The following SHANK2 variants were observed in gnomAD, a reference collection of about 807,000 sequenced individuals.
SHANK2 encodes SH3 and multiple ankyrin repeat domains 2, also known as SH3 and multiple ankyrin repeat domains protein 2.
A neutral mutation model predicts 133.7 loss-of-function variants in SHANK2; 43 were observed. The ratio of observed to expected loss-of-function variants is 0.32; its 90% CI spans 0.25 to 0.41. The LOEUF (loss-of-function observed/expected upper bound fraction) is 0.41, where lower values mean the gene tolerates loss of function less well. SHANK2 is among the 10% of genes least tolerant of loss of function. SHANK2 has a pLI of 1.00. For missense variants in SHANK2, 1,994 were observed against 2,235.8 expected (o/e 0.89, Z 2.18); for synonymous variants, 1,017 against 952.8 (o/e 1.07, Z -1.24).
At chr11:70,751,729 A>T (rs1448367287) in intron 14 of SHANK2, among the ~76,000 whole-genome samples, 1 of 152,220 alleles carries the variant, frequency 6.6e-6, no homozygotes. Flanking sequence ...ACACCAAAAA[A>T]GGGAGAGAAT....
chr11:70,615,429 T>A (rs560803038), intron 17 of SHANK2, among the ~76,000 whole-genome samples: 36 of 152,116 alleles, frequency 2.4e-4, no homozygotes, highest in Non-Finnish European at 4.4e-4. Flanking sequence ...CTGAGCTCTG[T>A]CCCAGTCTTC....
At chr11:70,751,570 G>A (rs1026556830) in intron 14 of SHANK2, among the ~76,000 whole-genome samples, 3 of 152,108 alleles carry the variant, frequency 2.0e-5, no homozygotes, top group Non-Finnish European at 2.9e-5. Context: ...TGAAAGTCAG[G>A]AATAAAGAAG....
rs11601418 is a variant in SHANK2 at position 70,918,031 on chromosome 11, T to G, written c.1108-21464A>C. On this transcript the variant is annotated intron_variant, in intron 10 of 25. Coordinates refer to ENST00000601538, the MANE Select transcript of SHANK2 (RefSeq NM_012309.5). ...TGAACTTAAAAGTTTTTTTTTTTTT[T>G]TTTTTTTTTTTTTAAATAAGGCCAA... Among the ~76,000 whole-genome samples, 22 of 19,682 alleles carry G rather than the reference T, an allele frequency of 1.1e-3. 1 individual carries two copies. The highest frequency in any genetic ancestry group is 3.0e-3 in the African/African-American group (20 of 6,636). The allele number at this position is 19,682 out of a possible 152,430, so 12.9% of individuals were successfully genotyped here. A position where few individuals can be genotyped will look rare whatever the true frequency, so the allele number is the denominator to read the frequency against.
chr11:70,827,501 C>CT (rs1948660779), intron 11 of SHANK2, among the ~76,000 whole-genome samples: 1 of 152,018 alleles, frequency 6.6e-6, no homozygotes, highest in Non-Finnish European at 1.5e-5. Context: ...GGCTGGTGCC[C>CT]TGTGGCAGGT....
At chr11:71,154,313 G>C (rs1164082356) in intron 2 of SHANK2, among the ~76,000 whole-genome samples, 2 of 152,148 alleles carry the variant, frequency 1.3e-5, no homozygotes, top group East Asian at 3.9e-4. Context: ...AGGTTCCATC[G>C]GATGTTAGAA....
At chr11:71,106,648 T>A (rs1199711850) in intron 6 of SHANK2, among the ~76,000 whole-genome samples, 1 of 152,192 alleles carries the variant, frequency 6.6e-6, no homozygotes, top group Non-Finnish European at 1.5e-5. Context: ...GGTACCGGCC[T>A]AATCCAGAAT....
In SHANK2 at chr11:71,225,364, C is replaced by T. The variant is rs575161173; in HGVS notation, c.-112-568G>A. On this transcript the variant is annotated intron_variant, in intron 1 of 25. Coordinates refer to ENST00000601538, the MANE Select transcript of SHANK2 (RefSeq NM_012309.5). ...GCCAGCGTGGCATCAAATAGAGCAACGGAAGGAGCTAGCACATTCATCCCC... is the reference window on the plus strand; with the variant it reads ...GCCAGCGTGGCATCAAATAGAGCAATGGAAGGAGCTAGCACATTCATCCCC... 9.2e-5 allele frequency among the ~76,000 whole-genome samples: 14 copies of T among 152,242 alleles called. No individual in the cohort carries two copies. The East Asian group carries it at 9.7e-4, about 11-fold the overall frequency.
Position 71,155,936 on chromosome 11 carries a change from G to A in SHANK2, c.-12-8598C>T, listed in dbSNP as rs1952899682. On this transcript the variant is annotated intron_variant, in intron 2 of 25. Coordinates refer to ENST00000601538, the MANE Select transcript of SHANK2 (RefSeq NM_012309.5). Reference sequence around the variant, plus strand: ...CAGGGCCTTTAAAAAGGTACTTAAGGTTCCACAAGGTCTTACAGGTGGGCC... The same window carrying A: ...CAGGGCCTTTAAAAAGGTACTTAAGATTCCACAAGGTCTTACAGGTGGGCC... Among the ~76,000 whole-genome samples, 4 of 152,308 alleles carry A rather than the reference G, an allele frequency of 2.6e-5. No homozygotes were observed. In the South Asian group the frequency reaches 8.3e-4, roughly 32 times the overall value.
At chr11:71,120,051 A>C (rs1483703420) in intron 3 of SHANK2, among the ~76,000 whole-genome samples, 1 of 152,202 alleles carries the variant, frequency 6.6e-6, no homozygotes, top group Non-Finnish European at 1.5e-5. Flanking sequence ...GATTTGATGG[A>C]AAATCAAATC....
At chr11:71,191,231 A>G (rs1953785952) in intron 2 of SHANK2, among the ~76,000 whole-genome samples, 1 of 152,244 alleles carries the variant, frequency 6.6e-6, no homozygotes, top group African/African-American at 2.4e-5. Context: ...ATCCCCATCC[A>G]TGCTATGTCT....
At chr11:70,802,014 G>A (rs79626979) in intron 13 of SHANK2, among the ~76,000 whole-genome samples, 2,087 of 152,220 alleles carry the variant, frequency 0.014, 50 homozygotes, top group African/African-American at 0.047. Flanking sequence ...GAGGGGGTGC[G>A]GCGAGACTTG....
At chr11:70,566,802 C>A (rs1274022674) in intron 17 of SHANK2, among the ~76,000 whole-genome samples, 2 of 152,206 alleles carry the variant, frequency 1.3e-5, no homozygotes, top group Admixed American at 1.3e-4. Flanking sequence ...AACCACTTAG[C>A]AATCCATTTC....
chr11:70,793,060 G>C (rs1947829428), intron 14 of SHANK2, among the ~76,000 whole-genome samples: 1 of 151,924 alleles, frequency 6.6e-6, no homozygotes, highest in South Asian at 2.1e-4. Context: ...TGACTCAAAA[G>C]AAAAAAGTGA....
intron 1 of SHANK2, among the ~76,000 whole-genome samples, chr11:71,246,008 A>G (rs782028315): frequency 5.9e-5 from 9 of 152,150 alleles, no homozygotes; most frequent in African/African-American, 1.2e-4. Context: ...AAACATGGAC[A>G]GGAACGGCTG....
chr11:70,815,550 C>T (rs1948375394), intron 12 of SHANK2, among the ~76,000 whole-genome samples: 1 of 152,222 alleles, frequency 6.6e-6, no homozygotes, highest in South Asian at 2.1e-4. Context: ...ATCACTGCAA[C>T]ACCAGCTCCC....
In SHANK2 at chr11:70,471,335, C is replaced by CA. The variant is rs575407872; in HGVS notation, c.*1533dup. 2.2e-3 allele frequency: 862 copies of CA among 398,676 alleles called. 5 individuals are homozygous for CA. Among genetic ancestry groups the CA allele is most frequent in the Middle Eastern group, 0.013 (20 of 1,586 alleles). 24.7% of individuals were successfully genotyped at this position (398,676 alleles called of 1,614,324 possible). On this transcript the variant is annotated 3_prime_UTR_variant, in exon 26 of 26. Transcript: ENST00000601538. The surrounding 1 kb of genome is among the most constrained non-coding windows in gnomAD (Gnocchi z 4.1). ...GCTAGTTCTGAAATAATAATAAAAC[C>CA]AAAAACCTGACATTCGAGTATCCTC...
At chr11:71,143,720 T>C (rs1952595778) in intron 3 of SHANK2, among the ~76,000 whole-genome samples, 2 of 152,302 alleles carry the variant, frequency 1.3e-5, no homozygotes, top group African/African-American at 2.4e-5. Flanking sequence ...GTGAGTTCCA[T>C]GTTAACGAAT....
chr11:71,242,697 T>C (rs1954911355), intron 1 of SHANK2, among the ~76,000 whole-genome samples: 1 of 152,244 alleles, frequency 6.6e-6, no homozygotes, highest in Non-Finnish European at 1.5e-5. Flanking sequence ...TATTTGTCTG[T>C]CTGGTTCACT....
At chr11:71,234,576 C>T (rs1954800724) in intron 1 of SHANK2, among the ~76,000 whole-genome samples, 2 of 152,064 alleles carry the variant, frequency 1.3e-5, no homozygotes. Context: ...GGGGGCCTGT[C>T]TGTAGGCAGC....
Sources: gnomAD v4.1 joint callset for allele counts (sites outside exome capture counted in the v4.1 genomes callset) on GRCh38, gnomAD v4.1.1 for gene constraint, Gnocchi (gnomAD v3.1) non-coding constraint, MANE v1.5 for transcripts, NCBI Gene and HGNC (gene_info 2026-07-23, HGNC 2026-07-21) for gene names.